Variants in HHLA2 observed in about 807,000 individuals in gnomAD.
HHLA2 encodes the protein HERV-H LTR-associating protein 2.
A neutral mutation model predicts 45.9 loss-of-function variants in HHLA2; 48 were observed. The ratio of observed to expected loss-of-function variants is 1.05; its 90% CI spans 0.83 to 1.33. HHLA2 has a LOEUF of 1.33. Among genes scored for constraint, HHLA2 ranks in the 40% most tolerant of loss-of-function variants. HHLA2 has a pLI of 0.00. For synonymous variants in HHLA2, 161 were observed against 173.9 expected (o/e 0.93, Z 0.59); for missense variants, 462 against 494.3 (o/e 0.93, Z 0.62).
intron 5 of HHLA2, among the ~76,000 whole-genome samples, chr3:108,354,553 C>T (rs2124738): frequency 0.68 from 102,227 of 151,384 alleles, 35,364 homozygotes; most frequent in African/African-American, 0.77. Flanking sequence ...CATTTATATG[C>T]AATATAGTTA....
chr3:108,297,257 G>GT (rs1257980023), intron 1 of HHLA2, among the ~76,000 whole-genome samples: 2 of 152,106 alleles, frequency 1.3e-5, no homozygotes, highest in African/African-American at 4.8e-5. Flanking sequence ...GGTAATTTAG[G>GT]TTTTTTTGTG....
chr3:108,377,467 C>G, exon 11 of HHLA2: 1 of 582,124 alleles, frequency 1.7e-6, no homozygotes, highest in Non-Finnish European at 3.1e-6. Context: ...ACATCATTCA[C>G]TGACCCACTA....
intron 3 of HHLA2, among the ~76,000 whole-genome samples, chr3:108,349,098 C>CG (rs1228298373): frequency 1.3e-5 from 2 of 151,530 alleles, no homozygotes; most frequent in African/African-American, 4.9e-5. Flanking sequence ...CAACAGCAAA[C>CG]AAATTCAAAA....
chr3:108,351,191 A>G (rs1220294030), intron 3 of HHLA2, among the ~76,000 whole-genome samples: 1 of 152,194 alleles, frequency 6.6e-6, no homozygotes, highest in Non-Finnish European at 1.5e-5. Flanking sequence ...TTTTTGAAAC[A>G]TGCTTTGTAA....
At chr3:108,315,599 T>C (rs1456937792) in intron 2 of HHLA2, among the ~76,000 whole-genome samples, 2 of 152,198 alleles carry the variant, frequency 1.3e-5, no homozygotes, top group African/African-American at 4.8e-5. Flanking sequence ...TTTAGAATGT[T>C]AAGAGCAGAC....
At chr3:108,373,838 C>G (rs1233449417) in intron 8 of HHLA2, among the ~76,000 whole-genome samples, 4 of 151,858 alleles carry the variant, frequency 2.6e-5, no homozygotes, top group Non-Finnish European at 4.4e-5. Context: ...AGGATACAAA[C>G]AAATGGAAGA....
intron 10 of HHLA2, 80 bp from the exon 10 acceptor site, chr3:108,377,178 C>A: frequency 2.1e-6 from 2 of 971,632 alleles, no homozygotes; most frequent in Non-Finnish European, 3.2e-6. Context: ...CAAAACACTA[C>A]TATCAATAAA....
intron 3 of HHLA2, among the ~76,000 whole-genome samples, chr3:108,336,509 G>A (rs1474612504): frequency 1.3e-5 from 2 of 152,122 alleles, no homozygotes; most frequent in Non-Finnish European, 2.9e-5. Context: ...AATATATACT[G>A]TGATTCTTCT....
At chr3:108,370,995 C>T (rs949456778) in intron 8 of HHLA2, among the ~76,000 whole-genome samples, 6 of 152,000 alleles carry the variant, frequency 3.9e-5, no homozygotes, top group Admixed American at 6.6e-5. Context: ...AGATACTCCT[C>T]GAGAAGAGCA....
chr3:108,357,742 A>T, intron 6 of HHLA2, 102 bp from the exon 6 acceptor site: 1 of 908,258 alleles, frequency 1.1e-6, no homozygotes, highest in Non-Finnish European at 1.7e-6. Flanking sequence ...TTCCAAATAT[A>T]TCAGTATTAG....
chr3:108,300,297 A>T (rs1308081485), intron 1 of HHLA2, among the ~76,000 whole-genome samples: 1 of 152,194 alleles, frequency 6.6e-6, no homozygotes, highest in Non-Finnish European at 1.5e-5. Context: ...GAAACAGCCC[A>T]GGGAATTCAA....
intron 5 of HHLA2, 49 bp downstream of exon 4, chr3:108,353,829 G>T (rs755961483): frequency 7.2e-7 from 1 of 1,387,014 alleles, no homozygotes; most frequent in East Asian, 2.3e-5. Context: ...ATCATTCCAT[G>T]TTATTAGTAA....
intron 8 of HHLA2, among the ~76,000 whole-genome samples, chr3:108,370,718 AG>A (rs1196091544): frequency 3.3e-5 from 5 of 152,236 alleles, no homozygotes; most frequent in Non-Finnish European, 7.3e-5. Context: ...ACTGGAAGAA[AG>A]GGTATCAGTG....
At chr3:108,309,900 T>C (rs978465046) in intron 1 of HHLA2, among the ~76,000 whole-genome samples, 8 of 152,066 alleles carry the variant, frequency 5.3e-5, no homozygotes, top group African/African-American at 1.9e-4. Flanking sequence ...TTATATATAT[T>C]ATTTGAAATT....
intron 3 of HHLA2, among the ~76,000 whole-genome samples, chr3:108,339,076 T>C (rs2081522200): frequency 6.6e-6 from 1 of 152,214 alleles, no homozygotes; most frequent in Non-Finnish European, 1.5e-5. Context: ...ACAGGAAAGC[T>C]GAGCAACTGA....
chr3:108,324,455 A>G lies in HHLA2; in HGVS notation c.-104-3815A>G, dbSNP rs539159906. Among the ~76,000 whole-genome samples, 4 of 152,282 alleles carry G rather than the reference A, an allele frequency of 2.6e-5. No homozygotes were observed. The East Asian group carries it at 5.8e-4, about 22-fold the overall frequency. On this transcript the variant is annotated intron_variant, in intron 2 of 10. Transcript: ENST00000619531. ...ATAAATACAGAGAAGTGCACAAAAC[A>G]TAGCTAAATGAATCAACACAAAACA...
At chr3:108,344,033 AT>A (rs747476698) in intron 3 of HHLA2, among the ~76,000 whole-genome samples, 2 of 152,172 alleles carry the variant, frequency 1.3e-5, no homozygotes, top group Non-Finnish European at 2.9e-5. Context: ...ATCTGACATA[AT>A]CAGATGTGTC....
exon 11 of HHLA2, chr3:108,377,458 C>T: frequency 1.7e-6 from 1 of 588,646 alleles, no homozygotes; most frequent in East Asian, 2.8e-5. Flanking sequence ...CTTTTCAAGA[C>T]ATCATTCACT....
chr3:108,318,503 A>G (rs2081141902), intron 2 of HHLA2, among the ~76,000 whole-genome samples: 2 of 152,240 alleles, frequency 1.3e-5, no homozygotes. Flanking sequence ...ATTGGAAACT[A>G]TGCTGAAAAC....
Sources: gnomAD v4.1 joint callset for allele counts (sites outside exome capture counted in the v4.1 genomes callset) on GRCh38, gnomAD v4.1.1 for gene constraint, MANE v1.5 for transcripts, NCBI Gene and HGNC (gene_info 2026-07-23, HGNC 2026-07-21) for gene names.